The following KAT14 variants were observed in gnomAD, a reference collection of about 807,000 sequenced individuals.
The protein encoded by KAT14 is lysine acetyltransferase 14, also known as cysteine-rich protein 2-binding protein.
In KAT14, 66 loss-of-function variants were observed where a neutral mutation model predicts 78.4. The ratio of observed to expected loss-of-function variants is 0.84; its 90% CI spans 0.69 to 1.03. KAT14 has a LOEUF of 1.03. Ranked by LOEUF, KAT14 falls within the 50% of genes least tolerant of loss-of-function variation. The pLI is 0.00. For missense variants in KAT14, 870 were observed against 972.5 expected (o/e 0.89, Z 1.40); for synonymous variants, 344 against 359.4 (o/e 0.96, Z 0.48).
intron 7 of KAT14, among the ~76,000 whole-genome samples, chr20:18,169,220 T>C (rs1287669394): frequency 6.6e-6 from 1 of 152,196 alleles, no homozygotes; most frequent in East Asian, 1.9e-4. Flanking sequence ...GTGTATTTTG[T>C]CCATTAAGCC....
intron 1 of KAT14, among the ~76,000 whole-genome samples, chr20:18,140,076 G>A (rs1290851312): frequency 2.6e-5 from 4 of 152,144 alleles, no homozygotes; most frequent in African/African-American, 9.7e-5. Context: ...AGCAAATGAT[G>A]GGATGGAGAG....
intron 5 of KAT14, among the ~76,000 whole-genome samples, chr20:18,161,254 T>C (rs1216673119): frequency 2.0e-5 from 3 of 151,900 alleles, no homozygotes; most frequent in African/African-American, 7.3e-5. Flanking sequence ...TATCAAACTT[T>C]TTTTTTGGCT....
chr20:18,172,637 T>C (rs2038888956), intron 7 of KAT14, among the ~76,000 whole-genome samples: 1 of 152,220 alleles, frequency 6.6e-6, no homozygotes, highest in Admixed American at 6.5e-5. Flanking sequence ...ACATTCACTT[T>C]ATTGCAGTGG....
intron 7 of KAT14, among the ~76,000 whole-genome samples, chr20:18,169,559 G>A (rs2038776134): frequency 6.6e-6 from 1 of 152,192 alleles, no homozygotes; most frequent in African/African-American, 2.4e-5. Flanking sequence ...TGGTAAATGT[G>A]TGTTTTCTGA....
chr20:18,149,343 C>T (rs754030152), intron 3 of KAT14, among the ~76,000 whole-genome samples: 6 of 152,136 alleles, frequency 3.9e-5, no homozygotes, highest in Non-Finnish European at 8.8e-5. Context: ...AATGAAACTC[C>T]GTGCCCATTA....
rs58888387 is a variant in KAT14 at position 18,141,051 on chromosome 20, T to TTTTTTG, written c.-453-1156_-453-1155insTTTTGT. ...TTTTTTTTTTTTTTTTTTTTTATTT[T>TTTTTTG]TATTTTTGCTAGAGATGGGATTTTG... On this transcript the variant is annotated intron_variant, in intron 1 of 10. Transcript: ENST00000688188. Among the ~76,000 whole-genome samples the TTTTTTG allele has an allele frequency of 2.2e-4, 24 of 109,696 alleles. 2 individuals carry two copies. Among genetic ancestry groups the TTTTTTG allele is most frequent in the South Asian group, 9.7e-4 (3 of 3,086 alleles). The allele number at this position is 109,696 out of a possible 152,430, so 72.0% of individuals were successfully genotyped here.
rs149446628 is a variant in KAT14, at chr20:18,145,294, G to A, written c.321G>A (p.Ser107=). ...ATAATTTTTTTAGGTTTACTTGTTC[G>A]GATTGCTCAGCAGATGGCAAGGAGC... ...KGDNFFRFTC[S]DCSADGKEQY... is the part of the protein sequence containing the mutation. The change falls in exon 3 of 11, where the codon TCG becomes TCA. Residue 107 remains serine (S), a synonymous_variant. Coordinates refer to ENST00000688188, the MANE Select transcript of KAT14 (RefSeq NM_001392073.1). The A allele has an allele frequency of 4.6e-5, 74 of 1,614,002 alleles. No homozygotes were observed. In the Admixed American group the frequency reaches 1.0e-3, roughly 23 times the overall value.
chr20:18,185,994 C>T (rs1301210533), intron 10 of KAT14, among the ~76,000 whole-genome samples: 2 of 152,194 alleles, frequency 1.3e-5, no homozygotes, highest in East Asian at 1.9e-4. Context: ...TTCTCTGCCC[C>T]ATCCCAACCA....
intron 5 of KAT14, 81 bp downstream of exon 5, chr20:18,159,346 C>G (rs1365539960): frequency 2.3e-5 from 34 of 1,505,474 alleles, no homozygotes; most frequent in Non-Finnish European, 2.7e-5. Context: ...CTCCTGCTTC[C>G]ACTGGGCATG....
chr20:18,180,892 A>G (rs770593836), intron 7 of KAT14, among the ~76,000 whole-genome samples: 3 of 152,208 alleles, frequency 2.0e-5, no homozygotes, highest in Non-Finnish European at 4.4e-5. Flanking sequence ...ACAATTCAAG[A>G]TGAGGTTTGT....
At chr20:18,139,557 A>G (rs181436427) in intron 1 of KAT14, among the ~76,000 whole-genome samples, 4 of 152,242 alleles carry the variant, frequency 2.6e-5, no homozygotes, top group Non-Finnish European at 5.9e-5. Flanking sequence ...GAGAATTTTA[A>G]CACAGGACTA....
rs2039489872 is a variant in KAT14, at chr20:18,187,594, G to A, written c.*135G>A. On this transcript the variant is annotated 3_prime_UTR_variant, in exon 11 of 11. Transcript: ENST00000688188. ...GGTCCTTCAAACTCCCAACCAAAGTGAGAAAAGCGGCATGCAGTGAAATGA... is the reference window on the plus strand; with the variant it reads ...GGTCCTTCAAACTCCCAACCAAAGTAAGAAAAGCGGCATGCAGTGAAATGA... 2 of 1,424,700 alleles carry A rather than the reference G, an allele frequency of 1.4e-6. No individual in the cohort carries two copies. The highest frequency in any genetic ancestry group is 2.6e-5 in the East Asian group (1 of 38,540). The allele number at this position is 1,424,700 out of a possible 1,614,324, so 88.3% of individuals were successfully genotyped here. A position where few individuals can be genotyped will look rare whatever the true frequency, so the allele number is the denominator to read the frequency against.
chr20:18,186,274 G>T (rs1000229768), intron 10 of KAT14, among the ~76,000 whole-genome samples: 1 of 152,128 alleles, frequency 6.6e-6, no homozygotes, highest in Non-Finnish European at 1.5e-5. Context: ...CATAGGTGGC[G>T]CACAGTCGCT....
rs1207584208 is a variant in KAT14 at position 18,152,750 on chromosome 20, T to C, written c.500+1808T>C. 3.3e-5 allele frequency among the ~76,000 whole-genome samples: 5 copies of C among 152,280 alleles called. No individual in the cohort carries two copies. In the East Asian group the frequency reaches 7.7e-4, roughly 23 times the overall value. ...AACTCTGTAAAGTAGACACTCTTTTTTATTTTTAACTATTTTTCATAGTGC... is the reference window on the plus strand; with the variant it reads ...AACTCTGTAAAGTAGACACTCTTTTCTATTTTTAACTATTTTTCATAGTGC... On this transcript the variant is annotated intron_variant, in intron 4 of 10. Coordinates refer to ENST00000688188, the MANE Select transcript of KAT14 (RefSeq NM_001392073.1).
intron 4 of KAT14, among the ~76,000 whole-genome samples, chr20:18,151,531 C>T (rs1017524706): frequency 6.6e-6 from 1 of 151,710 alleles, no homozygotes; most frequent in Non-Finnish European, 1.5e-5. Flanking sequence ...CTCGTGTTGT[C>T]TCAGGCTGGT....
rs192888372 is a variant in KAT14 at position 18,183,159 on chromosome 20, C to T, written c.1842C>T (p.Leu614=). 14 of 1,613,002 alleles carry T rather than the reference C, an allele frequency of 8.7e-6. No homozygotes were observed. In the Admixed American group the frequency reaches 1.8e-4, roughly 21 times the overall value. The change falls in exon 9 of 11, where the codon CTC becomes CTT. Residue 614 remains leucine (L), a synonymous_variant. Transcript: ENST00000688188. The part of the protein sequence containing the change: ...DYETKPPKLQ[L]LSQIRSHLHR... ...AAACAAAGCCACCCAAACTGCAGCT[C>T]CTGTCACAGATTCGTTCCCACCTGC...
chr20:18,180,030 G>T (rs1312771703), intron 7 of KAT14, among the ~76,000 whole-genome samples: 1 of 151,966 alleles, frequency 6.6e-6, no homozygotes, highest in African/African-American at 2.4e-5. Context: ...CACTATGCCT[G>T]GCTAATTTTT....
chr20:18,137,780 G>A (rs1336779904), upstream of KAT14: 7 of 592,460 alleles, frequency 1.2e-5, no homozygotes, highest in Non-Finnish European at 1.8e-5. Context: ...CCTGGGCGCC[G>A]CTCTATGCTC....
chr20:18,173,087 C>T (rs1204284568), intron 7 of KAT14, among the ~76,000 whole-genome samples: 1 of 152,190 alleles, frequency 6.6e-6, no homozygotes, highest in East Asian at 1.9e-4. Context: ...ATAACTTCTC[C>T]TGAGGGCAGG....
Sources: gnomAD v4.1 joint callset for allele counts (sites outside exome capture counted in the v4.1 genomes callset) on GRCh38, gnomAD v4.1.1 for gene constraint, MANE v1.5 for transcripts, NCBI Gene and HGNC (gene_info 2026-07-23, HGNC 2026-07-21) for gene names.